The following FAM170A variants were observed in gnomAD, a reference collection of about 807,000 sequenced individuals.
The protein encoded by FAM170A is family with sequence similarity 170 member A.
In FAM170A, 28 loss-of-function variants were observed where a neutral mutation model predicts 36.6. That is an observed-to-expected ratio of 0.76 (90% confidence interval 0.57 to 1.05). The LOEUF is 1.05. Among genes scored for constraint, FAM170A ranks in the 50% least tolerant of loss-of-function variants. FAM170A has a pLI of 0.00. For missense variants in FAM170A, 434 were observed against 396.5 expected (o/e 1.09, Z -0.80); for synonymous variants, 156 against 143.9 (o/e 1.08, Z -0.60).
In FAM170A at chr5:119,635,008, T is replaced by C. The variant is rs1394430343; in HGVS notation, c.987-23T>C. ...CGCATTAACTAAGAAGTGTCTTTCTTTGGTTTGATTTTCACACAGCAGCTG... is the reference window on the plus strand; with the variant it reads ...CGCATTAACTAAGAAGTGTCTTTCTCTGGTTTGATTTTCACACAGCAGCTG... On this transcript the variant is annotated intron_variant, in intron 3 of 4. Coordinates refer to ENST00000613773, the Ensembl canonical transcript of FAM170A. 1 of 1,613,894 alleles carries C rather than the reference T, an allele frequency of 6.2e-7. No individual in the cohort carries two copies. Among genetic ancestry groups the C allele is most frequent in the South Asian group, 1.1e-5 (1 of 91,016 alleles).
At chr5:119,632,765 G>A (rs1756281138) in exon 2 of FAM170A, 1 of 1,604,456 alleles carries the variant, frequency 6.2e-7, no homozygotes, top group African/African-American at 1.3e-5. Context: ...AAAGTCCCAA[G>A]AGGATGCCCT....
exon 3 of FAM170A, chr5:119,634,134 A>C (rs200774393): frequency 1.9e-6 from 3 of 1,614,092 alleles, no homozygotes; most frequent in Non-Finnish European, 2.5e-6. Context: ...ATGAAAATAT[A>C]CTACATGCAG....
At chr5:119,630,314 C>T (rs1206249383) in intron 1 of FAM170A, among the ~76,000 whole-genome samples, 3 of 126,722 alleles carry the variant, frequency 2.4e-5, no homozygotes, top group Non-Finnish European at 4.9e-5. Context: ...GCCACCACGC[C>T]TGGCTAATTT....
chr5:119,631,773 A>T (rs975884816), intron 1 of FAM170A, among the ~76,000 whole-genome samples: 1 of 152,108 alleles, frequency 6.6e-6, no homozygotes, highest in Non-Finnish European at 1.5e-5. Flanking sequence ...AAACACATCT[A>T]TGTTAAACTA....
exon 1 of FAM170A, chr5:119,629,823 G>A (rs576282871): frequency 1.4e-5 from 22 of 1,613,326 alleles, no homozygotes; most frequent in Admixed American, 1.0e-4. Context: ...CCAGGAAACC[G>A]CTGAGAAGGG....
intron 1 of FAM170A, among the ~76,000 whole-genome samples, chr5:119,631,151 G>T (rs184534546): frequency 6.6e-6 from 1 of 152,236 alleles, no homozygotes; most frequent in African/African-American, 2.4e-5. Context: ...TATCCTGAAA[G>T]GGGGATGCTC....
rs766065218 is a variant in FAM170A at position 119,634,538 on chromosome 5, A to G, written c.790A>G (p.Met264Val). 5.0e-6 allele frequency: 8 copies of G among 1,613,500 alleles called. No individual in the cohort carries two copies. The South Asian group carries it at 5.5e-5, about 11-fold the overall frequency. ...CAGCTGCCACGTCTTTCATCTCACC[A>G]TGGCTCAGCTGACAGGCAACATGGA... The change falls in exon 3 of 5, where the codon ATG becomes GTG. Residue 264 changes from methionine (M) to valine (V), a missense_variant. Transcript: ENST00000613773.
chr5:119,629,756 T>G, exon 1 of FAM170A: 1 of 1,610,378 alleles, frequency 6.2e-7, no homozygotes, highest in Non-Finnish European at 8.5e-7. Context: ...TAGAAACTCT[T>G]CTAGCTGATA....
At chr5:119,629,700 G>A in exon 1 of FAM170A, 2 of 1,189,684 alleles carry the variant, frequency 1.7e-6, no homozygotes, top group South Asian at 1.2e-5. Context: ...GAGCCAAGAA[G>A]GGCCAATCTA....
chr5:119,635,501 C>G (rs934212469), intron 4 of FAM170A, among the ~76,000 whole-genome samples, 199 bp from the exon 5 acceptor site: 11 of 152,194 alleles, frequency 7.2e-5, no homozygotes, highest in Admixed American at 7.2e-4. Context: ...GGAGAGGTAA[C>G]AACATCATCC....
chr5:119,634,280 A>G, exon 3 of FAM170A: 1 of 1,614,190 alleles, frequency 6.2e-7, no homozygotes, highest in Non-Finnish European at 8.5e-7. Context: ...TGATGTGTCC[A>G]CCAGAAACCT....
chr5:119,629,691 A>C (rs1013928367), exon 1 of FAM170A: 109 of 1,073,466 alleles, frequency 1.0e-4, no homozygotes, highest in Non-Finnish European at 1.1e-4. Flanking sequence ...ATTTCCTGAG[A>C]GCCAAGAAGG....
chr5:119,633,997 A>T (rs148156357), exon 3 of FAM170A: 1 of 1,613,680 alleles, frequency 6.2e-7, no homozygotes, highest in African/African-American at 1.3e-5. Flanking sequence ...CCCAGCCTCA[A>T]TCACCCCTGG....
At chr5:119,635,044 G>A (rs752761465) in exon 4 of FAM170A, 7 of 1,613,946 alleles carry the variant, frequency 4.3e-6, no homozygotes, top group South Asian at 1.1e-5. Context: ...AGACTTATGG[G>A]CCAGAAGATA....
chr5:119,630,298 G>A (rs993860877), intron 1 of FAM170A, among the ~76,000 whole-genome samples: 2 of 144,064 alleles, frequency 1.4e-5, no homozygotes, highest in African/African-American at 5.2e-5. Flanking sequence ...GGGACTATAG[G>A]CGCCCGCCAC....
exon 1 of FAM170A, chr5:119,629,722 G>T: frequency 6.9e-7 from 1 of 1,444,338 alleles, no homozygotes; most frequent in South Asian, 1.2e-5. Context: ...AGGAAAAAGT[G>T]GGAGGTGGAC....
chr5:119,633,899 C>G (rs2431369), intron 2 of FAM170A, 61 bp from the exon 3 acceptor site: 187,769 of 1,547,836 alleles, frequency 0.12, 12,495 homozygotes, highest in South Asian at 0.21. Context: ...ATTTAACTTA[C>G]GTTCCCTCAG....
chr5:119,634,906 A>G, intron 3 of FAM170A, 122 bp from the exon 4 acceptor site: 1 of 1,354,266 alleles, frequency 7.4e-7, no homozygotes, highest in Non-Finnish European at 1.0e-6. Context: ...CTAGGCATCT[A>G]ATAAAGTCTC....
intron 1 of FAM170A, among the ~76,000 whole-genome samples, chr5:119,632,139 T>C (rs1415257868): frequency 6.6e-6 from 1 of 152,248 alleles, no homozygotes; most frequent in East Asian, 1.9e-4. Context: ...CTAAATCTGA[T>C]GACCCTTATA....
Sources: allele counts gnomAD v4.1 joint callset (sites outside exome capture counted in the v4.1 genomes callset), GRCh38; gene constraint gnomAD v4.1.1; transcripts MANE v1.5; gene names NCBI Gene and HGNC (gene_info 2026-07-23, HGNC 2026-07-21).